Variants in LRP1B observed in about 807,000 individuals in gnomAD.
The protein encoded by LRP1B is low-density lipoprotein receptor-related protein 1B.
LRP1B carries 217 observed loss-of-function variants against 556.6 expected under a neutral mutation model. The observed-to-expected ratio is 0.39, with a 90% CI of 0.35 to 0.44. The LOEUF is 0.44. Among genes scored for constraint, LRP1B ranks in the 20% least tolerant of loss-of-function variants. LRP1B has a pLI of 1.00. For synonymous variants in LRP1B, 2,047 were observed against 1,865.8 expected (o/e 1.10, Z -2.50); for missense variants, 5,053 against 5,620.8 (o/e 0.90, Z 3.23).
chr2:141,610,563 G>C (rs1325563423), intron 2 of LRP1B, among the ~76,000 whole-genome samples: 2 of 151,974 alleles, frequency 1.3e-5, no homozygotes, highest in East Asian at 3.9e-4. Context: ...AACCTCCCCT[G>C]CCCTTTCTAC....
chr2:141,294,608 C>A, intron 3 of LRP1B, among the ~76,000 whole-genome samples: 1 of 151,532 alleles, frequency 6.6e-6, no homozygotes, highest in East Asian at 1.9e-4. Context: ...GATGCCATGG[C>A]ATGTGCCTGT....
intron 1 of LRP1B, among the ~76,000 whole-genome samples, chr2:141,873,030 A>C (rs1456992926): frequency 6.6e-6 from 1 of 152,074 alleles, no homozygotes; most frequent in Non-Finnish European, 1.5e-5. Context: ...AGAACTTAGC[A>C]AATGAATAAT....
intron 3 of LRP1B, among the ~76,000 whole-genome samples, chr2:141,369,866 C>A (rs1298834466): frequency 1.3e-5 from 2 of 152,162 alleles, no homozygotes; most frequent in African/African-American, 4.8e-5. Context: ...CATTATTTAG[C>A]TCCCACTTAA....
chr2:141,398,146 AG>A (rs1257360262), intron 3 of LRP1B, among the ~76,000 whole-genome samples: 2 of 152,180 alleles, frequency 1.3e-5, no homozygotes, highest in East Asian at 3.9e-4. Flanking sequence ...CCAGAGAAGA[AG>A]CATTTACTTA....
At chr2:141,414,237 C>T (rs74871815) in intron 3 of LRP1B, among the ~76,000 whole-genome samples, 7 of 35,400 alleles carry the variant, frequency 2.0e-4, no homozygotes, top group Non-Finnish European at 5.7e-5. Context: ...GACTCTATCT[C>T]AAAAAAAAAA....
intron 58 of LRP1B, among the ~76,000 whole-genome samples, chr2:140,487,110 C>T (rs1233876533): frequency 1.3e-5 from 2 of 151,820 alleles, no homozygotes; most frequent in Non-Finnish European, 2.9e-5. Context: ...ATGGATCATA[C>T]ACATGACAGA....
At chr2:140,788,597 A>G (rs1487341475) in intron 32 of LRP1B, among the ~76,000 whole-genome samples, 1 of 152,226 alleles carries the variant, frequency 6.6e-6, no homozygotes. Context: ...AACAACCGAC[A>G]TTAAGAATGT....
chr2:140,788,157 T>C (rs12691572), intron 32 of LRP1B, among the ~76,000 whole-genome samples: 130,466 of 152,118 alleles, frequency 0.86, 56,591 homozygotes, highest in East Asian at 1. Flanking sequence ...AATTATTTAG[T>C]CAAATGGCTC....
chr2:141,753,267 T>TATATATATATATATATGGG lies in LRP1B; in HGVS notation c.205+57011_205+57012insCCCATATATATATATATAT, dbSNP rs1694190026. 3.3e-5 allele frequency among the ~76,000 whole-genome samples: 4 copies of TATATATATATATATATGGG among 122,856 alleles called. 1 individual carries two copies. Among genetic ancestry groups the TATATATATATATATATGGG allele is most frequent in the African/African-American group, 1.2e-4 (4 of 32,748 alleles). The allele number at this position is 122,856 out of a possible 152,430, so 80.6% of individuals were successfully genotyped here. A position where few individuals can be genotyped will look rare whatever the true frequency, so the allele number is the denominator to read the frequency against. The stretch of plus-strand genomic sequence containing the variant: ...CACACACTCTCTCTCTCTCTCCATA[T>TATATATATATATATATGGG]ATATATATATATATATCCCAGATGA... On this transcript the variant is annotated intron_variant, in intron 2 of 90. Transcript: ENST00000389484.
chr2:140,601,150 C>T (rs1485504993), intron 42 of LRP1B, among the ~76,000 whole-genome samples: 1 of 149,688 alleles, frequency 6.7e-6, no homozygotes, highest in African/African-American at 2.4e-5. Flanking sequence ...TGGTTCCAAT[C>T]AGCTATGTAT....
intron 87 of LRP1B, among the ~76,000 whole-genome samples, chr2:140,243,784 T>C (rs1681047922): frequency 6.6e-6 from 1 of 151,250 alleles, no homozygotes; most frequent in East Asian, 2.0e-4. Context: ...CTGCTGGACA[T>C]GTCTAACTCT....
intron 17 of LRP1B, 40 bp downstream of exon 17, chr2:140,989,492 T>G: frequency 6.2e-7 from 1 of 1,609,058 alleles, no homozygotes; most frequent in Non-Finnish European, 8.5e-7. Context: ...TAAGACTAAC[T>G]TTGGAGGAGA....
intron 2 of LRP1B, among the ~76,000 whole-genome samples, chr2:141,704,658 T>C (rs1692072221): frequency 6.6e-6 from 1 of 151,926 alleles, no homozygotes; most frequent in South Asian, 2.1e-4. Context: ...AGCTTAGCAG[T>C]CATCTCAGAC....
At chr2:141,526,662 C>A (rs1684701971) in intron 2 of LRP1B, among the ~76,000 whole-genome samples, 1 of 151,974 alleles carries the variant, frequency 6.6e-6, no homozygotes, top group Non-Finnish European at 1.5e-5. Flanking sequence ...GTAATGTAGA[C>A]CCCACCAGCA....
intron 83 of LRP1B, among the ~76,000 whole-genome samples, chr2:140,310,603 G>T (rs1356904163): frequency 6.6e-6 from 1 of 151,582 alleles, no homozygotes; most frequent in African/African-American, 2.4e-5. Context: ...ACATGCTTAT[G>T]GCCAACTGAT....
At chr2:141,754,238 G>A (rs1367075947) in intron 2 of LRP1B, among the ~76,000 whole-genome samples, 4 of 150,460 alleles carry the variant, frequency 2.7e-5, no homozygotes, top group Non-Finnish European at 5.9e-5. Flanking sequence ...ACATTTCTAC[G>A]GCAATGAAAA....
intron 1 of LRP1B, among the ~76,000 whole-genome samples, chr2:141,943,462 C>T (rs902976834): frequency 1.3e-5 from 2 of 152,108 alleles, no homozygotes; most frequent in African/African-American, 4.8e-5. Flanking sequence ...TAAGTGTTCG[C>T]TTTCTGAAGT....
At position 140,336,558 on chromosome 2, in the gene LRP1B, G is replaced by A. The variant is rs1681112785; in HGVS notation, c.11893-720C>T. 2.6e-5 allele frequency among the ~76,000 whole-genome samples: 4 copies of A among 151,914 alleles called. No individual in the cohort carries two copies. In the South Asian group the frequency reaches 8.3e-4, roughly 31 times the overall value. The stretch of plus-strand genomic sequence containing the variant: ...TTTTCAGCAATGTGAGAAAAACTCA[G>A]ATGCTCTGCATCCTCACCACACATA... On this transcript the variant is annotated intron_variant, in intron 77 of 90. Transcript: ENST00000389484.
chr2:140,884,054 A>G (rs991609001), intron 24 of LRP1B, 33 bp from the exon 25 acceptor site: 11 of 1,589,802 alleles, frequency 6.9e-6, no homozygotes, highest in Non-Finnish European at 9.5e-6. Context: ...ATGTGCACCC[A>G]TTCAAGGATT....
Sources: gnomAD v4.1 joint callset for allele counts (sites outside exome capture counted in the v4.1 genomes callset) on GRCh38, gnomAD v4.1.1 for gene constraint, MANE v1.5 for transcripts, NCBI Gene and HGNC (gene_info 2026-07-23, HGNC 2026-07-21) for gene names.